The following SNX29 variants were observed in gnomAD, a reference collection of about 807,000 sequenced individuals.
SNX29 encodes sorting nexin 29.
Under a neutral mutation model 102.1 loss-of-function variants are expected in SNX29, and 78 were observed. The observed-to-expected ratio is 0.76, with a 90% CI of 0.64 to 0.92. SNX29 has a LOEUF of 0.92. Among genes scored for constraint, SNX29 ranks in the 40% least tolerant of loss-of-function variants. The pLI, the probability that SNX29 is intolerant of heterozygous loss-of-function variation, is 0.00. For missense variants in SNX29, 1,280 were observed against 1,061.7 expected (o/e 1.21, Z -2.86); for synonymous variants, 580 against 414.5 (o/e 1.40, Z -4.85).
chr16:11,995,386 C>A (rs1041379609), intron 1 of SNX29, among the ~76,000 whole-genome samples: 7 of 151,862 alleles, frequency 4.6e-5, no homozygotes, highest in African/African-American at 1.7e-4. Flanking sequence ...CTCTTAAGCT[C>A]ATTCAGGGCT....
chr16:12,550,462 G>A (rs1054889089), intron 20 of SNX29, among the ~76,000 whole-genome samples: 10 of 151,754 alleles, frequency 6.6e-5, no homozygotes, highest in Non-Finnish European at 1.5e-4. Flanking sequence ...TTAAACCCGG[G>A]AGGTGGAGGT....
At chr16:12,391,986 G>T (rs2083546780) in intron 16 of SNX29, among the ~76,000 whole-genome samples, 1 of 152,206 alleles carries the variant, frequency 6.6e-6, no homozygotes, top group Non-Finnish European at 1.5e-5. Context: ...CTCCTCTGAC[G>T]CTTGCTTCTC....
At chr16:12,359,662 A>G (rs1210311026) in intron 16 of SNX29, among the ~76,000 whole-genome samples, 2 of 152,204 alleles carry the variant, frequency 1.3e-5, no homozygotes, top group Non-Finnish European at 2.9e-5. Context: ...CCTCAGTAAT[A>G]ATCAACTCAA....
At chr16:12,554,938 G>A (rs7195739) in intron 20 of SNX29, among the ~76,000 whole-genome samples, 16,468 of 151,736 alleles carry the variant, frequency 0.11, 1,099 homozygotes, top group Non-Finnish European at 0.14. Flanking sequence ...CAGCAAGCAC[G>A]GCCTCTGGAG....
At chr16:12,105,750 G>C (rs2053208103) in intron 11 of SNX29, among the ~76,000 whole-genome samples, 1 of 152,204 alleles carries the variant, frequency 6.6e-6, no homozygotes, top group Non-Finnish European at 1.5e-5. Context: ...TTCAGGCCCA[G>C]CAGTGCGGTG....
intron 18 of SNX29, among the ~76,000 whole-genome samples, chr16:12,475,981 G>A (rs1284693201): frequency 6.6e-6 from 1 of 152,100 alleles, no homozygotes; most frequent in Non-Finnish European, 1.5e-5. Context: ...GGGAAGTTTG[G>A]ACTTTTATAA....
At chr16:12,022,920 C>G (rs1215145309) in intron 3 of SNX29, among the ~76,000 whole-genome samples, 1 of 139,112 alleles carries the variant, frequency 7.2e-6, no homozygotes, top group African/African-American at 2.7e-5. Flanking sequence ...TTTTTGAGAC[C>G]AAGTCTCTCT....
At chr16:12,354,891 T>C (rs2082088551) in intron 15 of SNX29, among the ~76,000 whole-genome samples, 1 of 152,232 alleles carries the variant, frequency 6.6e-6, no homozygotes, top group South Asian at 2.1e-4. Context: ...CCTTTGTTAA[T>C]TGCATGGTTC....
intron 1 of SNX29, among the ~76,000 whole-genome samples, chr16:11,981,099 C>T (rs912599547): frequency 6.6e-6 from 1 of 151,974 alleles, no homozygotes; most frequent in African/African-American, 2.4e-5. Flanking sequence ...TCTGGAGTAG[C>T]TGGGACTACA....
intron 3 of SNX29, among the ~76,000 whole-genome samples, chr16:12,010,156 T>C (rs534279653): frequency 6.6e-6 from 1 of 152,330 alleles, no homozygotes; most frequent in South Asian, 2.1e-4. Context: ...CCTTAAAACA[T>C]TGCCTGGCAG....
chr16:12,037,629 C>T (rs946831698), intron 4 of SNX29, among the ~76,000 whole-genome samples: 1 of 151,990 alleles, frequency 6.6e-6, no homozygotes, highest in Non-Finnish European at 1.5e-5. Flanking sequence ...ATGTGTTTCC[C>T]GTAGGAAAGC....
At chr16:12,048,330 C>T in intron 6 of SNX29, 42 bp from the exon 7 acceptor site, 4 of 1,613,440 alleles carry the variant, frequency 2.5e-6, no homozygotes, top group Non-Finnish European at 3.4e-6. Context: ...GGTATGACTG[C>T]CCATCAGCAA....
chr16:12,336,486 A>T (rs2081454518), intron 15 of SNX29, among the ~76,000 whole-genome samples: 1 of 152,234 alleles, frequency 6.6e-6, no homozygotes, highest in South Asian at 2.1e-4. Flanking sequence ...CCCATAGCTT[A>T]AAATTTTTTC....
chr16:12,563,286 C>A (rs1598083145), intron 20 of SNX29, among the ~76,000 whole-genome samples: 1 of 152,140 alleles, frequency 6.6e-6, no homozygotes, highest in South Asian at 2.1e-4. Flanking sequence ...GGTTCTGGAT[C>A]CACAGCTCGG....
At chr16:12,484,605 A>G (rs2088135855) in intron 19 of SNX29, among the ~76,000 whole-genome samples, 1 of 150,052 alleles carries the variant, frequency 6.7e-6, no homozygotes, top group South Asian at 2.1e-4. Flanking sequence ...CCACTCAGCC[A>G]CACTGGTGTC....
chr16:12,570,202 A>C lies in SNX29; in HGVS notation c.*1573A>C. 1.9e-6 allele frequency: 2 copies of C among 1,065,128 alleles called. No homozygotes were observed. The highest frequency in any genetic ancestry group is 2.3e-6 in the Non-Finnish European group (2 of 879,112). The allele number at this position is 1,065,128 out of a possible 1,614,324, so 66.0% of individuals were successfully genotyped here. A position where few individuals can be genotyped will look rare whatever the true frequency, so the allele number is the denominator to read the frequency against. The stretch of plus-strand genomic sequence containing the variant: ...ACCGAGTCAGCCTACATGACTTCCA[A>C]GGGGACCTGGGGCCAGATAAGCCCT... On this transcript the variant is annotated 3_prime_UTR_variant, in exon 21 of 21. Transcript: ENST00000566228.
chr16:12,504,326 A>G (rs2089272505), intron 19 of SNX29, among the ~76,000 whole-genome samples: 1 of 152,158 alleles, frequency 6.6e-6, no homozygotes, highest in South Asian at 2.1e-4. Flanking sequence ...AGAATTGTGC[A>G]GTTATCACTA....
At chr16:12,424,053 A>C (rs995041168) in intron 18 of SNX29, among the ~76,000 whole-genome samples, 5 of 152,240 alleles carry the variant, frequency 3.3e-5, no homozygotes, top group African/African-American at 1.2e-4. Flanking sequence ...GGCTACTGGC[A>C]GCCTTAGCTT....
intron 20 of SNX29, among the ~76,000 whole-genome samples, chr16:12,551,287 C>G (rs373433945): frequency 6.6e-6 from 1 of 152,226 alleles, no homozygotes; most frequent in East Asian, 1.9e-4. Flanking sequence ...AAATGTTTAA[C>G]CAGTTTGTCA....
Sources: allele counts gnomAD v4.1 joint callset (sites outside exome capture counted in the v4.1 genomes callset), GRCh38; gene constraint gnomAD v4.1.1; transcripts MANE v1.5; gene names NCBI Gene and HGNC (gene_info 2026-07-23, HGNC 2026-07-21).